Variants in EXD3 observed in about 807,000 individuals in gnomAD.
EXD3 encodes the protein exonuclease mut-7 homolog.
In EXD3, 92 loss-of-function variants were observed where a neutral mutation model predicts 98.0. The ratio of observed to expected loss-of-function variants is 0.94; its 90% CI spans 0.79 to 1.12. The LOEUF (loss-of-function observed/expected upper bound fraction) is 1.12, where lower values mean the gene tolerates loss of function less well. Among genes scored for constraint, EXD3 ranks in the 50% most tolerant of loss-of-function variants. The pLI, the probability that EXD3 is intolerant of heterozygous loss-of-function variation, is 0.00. For synonymous variants in EXD3, 569 were observed against 526.0 expected, an observed-to-expected ratio of 1.08 and a Z score of -1.12; for missense variants, 1,222 against 1,191.6, an observed-to-expected ratio of 1.03 and a Z score of -0.38.
At chr9:137,328,622 CT>C (rs1832656648) in intron 17 of EXD3, among the ~76,000 whole-genome samples, 1 of 67,764 alleles carries the variant, frequency 1.5e-5, no homozygotes, top group Admixed American at 1.5e-4. Flanking sequence ...CTACACGGGA[CT>C]ACACGGGACT....
chr9:137,348,425 G>C (rs921829636), intron 16 of EXD3, among the ~76,000 whole-genome samples, 187 bp from the exon 17 acceptor site: 61 of 149,568 alleles, frequency 4.1e-4, no homozygotes, highest in African/African-American at 1.4e-3. Context: ...ACCCCTGGGG[G>C]GCTCTAGTGC....
intron 8 of EXD3, among the ~76,000 whole-genome samples, chr9:137,355,450 T>TGGAGGAAGGAGGAAGGAGGAAGGAGGAA (rs1375173621): frequency 8.4e-4 from 8 of 9,540 alleles, no homozygotes; most frequent in Non-Finnish European, 1.5e-3. Context: ...GAAGGGAGGA[T>TGGAGGAAGGAGGAAGGAGGAAGGAGGAA]GGAGGAAGGA....
chr9:137,389,446 G>A (rs933018341), intron 2 of EXD3, among the ~76,000 whole-genome samples: 11 of 152,174 alleles, frequency 7.2e-5, no homozygotes, highest in Non-Finnish European at 1.0e-4. Context: ...CCATGAAGCC[G>A]AGGGCCTTGG....
intron 2 of EXD3, among the ~76,000 whole-genome samples, chr9:137,389,266 G>A (rs1477255490): frequency 8.5e-5 from 13 of 152,242 alleles, no homozygotes. Flanking sequence ...ACCTCGGCTC[G>A]CCGCAGAGGA....
intron 5 of EXD3, among the ~76,000 whole-genome samples, chr9:137,370,414 G>A (rs1389003087): frequency 1.3e-5 from 2 of 152,092 alleles, no homozygotes; most frequent in East Asian, 1.9e-4. Flanking sequence ...TGGGAGGAAC[G>A]AGCCCGGGGC....
chr9:137,412,779 A>G (rs2131828345), intron 1 of EXD3, among the ~76,000 whole-genome samples: 1 of 152,246 alleles, frequency 6.6e-6, no homozygotes, highest in South Asian at 2.1e-4. Flanking sequence ...CTCAGTGACC[A>G]TTTTTATTTA....
chr9:137,373,359 C>T (rs1047413768), intron 4 of EXD3, 67 bp downstream of exon 4: 2 of 1,544,460 alleles, frequency 1.3e-6, no homozygotes, highest in African/African-American at 1.4e-5. Flanking sequence ...CAGGTGGATG[C>T]CGGGTCCACT....
At chr9:137,390,153 G>A (rs934383523) in intron 2 of EXD3, among the ~76,000 whole-genome samples, 3 of 135,272 alleles carry the variant, frequency 2.2e-5, no homozygotes, top group Non-Finnish European at 3.1e-5. Flanking sequence ...AAAAATGGCC[G>A]GGCGCGGTGG....
At chr9:137,369,776 C>T (rs1391733040) in intron 5 of EXD3, among the ~76,000 whole-genome samples, 1 of 152,216 alleles carries the variant, frequency 6.6e-6, no homozygotes, top group Non-Finnish European at 1.5e-5. Context: ...GCCTCTGTGT[C>T]CCGCACGCTG....
At chr9:137,374,997 G>T in intron 3 of EXD3, 1 of 352,410 alleles carries the variant, frequency 2.8e-6, no homozygotes, top group Non-Finnish European at 4.0e-6. Context: ...TAGCTCTTGT[G>T]AGTTCTAACC....
intron 8 of EXD3, among the ~76,000 whole-genome samples, chr9:137,355,511 G>A (rs866613597): frequency 0.069 from 6,497 of 93,940 alleles, 24 homozygotes; most frequent in Middle Eastern, 0.086. Flanking sequence ...GAGGAAGGAG[G>A]AAGGAGGAAG....
intron 14 of EXD3, among the ~76,000 whole-genome samples, chr9:137,350,087 G>GT (rs1834184139): frequency 2.9e-5 from 3 of 103,764 alleles, no homozygotes; most frequent in African/African-American, 8.9e-5. Flanking sequence ...CACGAGGAGG[G>GT]GCTAGATAGA....
chr9:137,353,910 G>T, intron 10 of EXD3: 1 of 1,003,336 alleles, frequency 1.0e-6, no homozygotes, highest in Non-Finnish European at 1.2e-6. Flanking sequence ...ACAATACGTG[G>T]AAGCCGCCCG....
At chr9:137,397,356 T>C (rs922573656) in intron 1 of EXD3, among the ~76,000 whole-genome samples, 3 of 152,116 alleles carry the variant, frequency 2.0e-5, no homozygotes, top group South Asian at 2.1e-4. Context: ...GAAGAGCCCC[T>C]GACAAAACAT....
intron 7 of EXD3, among the ~76,000 whole-genome samples, chr9:137,363,335 CTTT>C (rs71387828): frequency 3.6e-3 from 289 of 81,162 alleles, no homozygotes; most frequent in Middle Eastern, 9.8e-3. Flanking sequence ...GTGCAATTTC[CTTT>C]TTTTTTTTTT....
chr9:137,330,675 C>T (rs1207166424), intron 17 of EXD3, among the ~76,000 whole-genome samples: 1 of 150,402 alleles, frequency 6.6e-6, no homozygotes, highest in Non-Finnish European at 1.5e-5. Context: ...TTCTCGAGGG[C>T]AACAATGGAG....
intron 3 of EXD3, among the ~76,000 whole-genome samples, chr9:137,381,497 C>T (rs1460126446): frequency 6.6e-6 from 1 of 151,534 alleles, no homozygotes; most frequent in East Asian, 1.9e-4. Context: ...GCCCAATGAA[C>T]CAGGGGAGCC....
chr9:137,381,621 G>A (rs967726553), intron 3 of EXD3, among the ~76,000 whole-genome samples: 1 of 151,992 alleles, frequency 6.6e-6, no homozygotes, highest in Non-Finnish European at 1.5e-5. Context: ...CCTCTCTCAC[G>A]TTAGAGGAAC....
intron 5 of EXD3, among the ~76,000 whole-genome samples, chr9:137,372,237 G>C (rs953995307): frequency 6.6e-6 from 1 of 152,204 alleles, no homozygotes; most frequent in African/African-American, 2.4e-5. Context: ...ATACTGATCC[G>C]ACGCATCTCG....
Sources: gnomAD v4.1 joint callset for allele counts (sites outside exome capture counted in the v4.1 genomes callset) on GRCh38, gnomAD v4.1.1 for gene constraint, MANE v1.5 for transcripts, NCBI Gene and HGNC (gene_info 2026-07-23, HGNC 2026-07-21) for gene names.